The following IRS1 variants were observed in gnomAD, a reference collection of about 807,000 sequenced individuals.
The protein encoded by IRS1 is insulin receptor substrate 1.
IRS1 carries 34 observed loss-of-function variants against 65.6 expected under a neutral mutation model. That is an observed-to-expected ratio of 0.52 (90% CI 0.39 to 0.69). IRS1 has a LOEUF of 0.69. Ranked by LOEUF, IRS1 falls within the 30% of genes least tolerant of loss-of-function variation. IRS1 has a pLI of 0.00. For synonymous variants in IRS1, 699 were observed against 683.5 expected, an observed-to-expected ratio of 1.02 and a Z score of -0.35; for missense variants, 1,641 against 1,720.2, an observed-to-expected ratio of 0.95 and a Z score of 0.81.
chr2:226,734,175 T>C lies in IRS1; in HGVS notation c.*2097A>G, dbSNP rs952533076. 1 of 152,078 alleles carries C rather than the reference T, an allele frequency of 6.6e-6. No homozygotes were observed. The highest frequency in any genetic ancestry group is 2.1e-4 in the South Asian group (1 of 4,820). 9.4% of individuals were successfully genotyped at this position (152,078 alleles called of 1,614,324 possible). On this transcript the variant is annotated 3_prime_UTR_variant, in exon 2 of 2. Coordinates refer to ENST00000305123, the MANE Select transcript of IRS1 (RefSeq NM_005544.3). ...GTATGAATCAGAATGCTTGAAAATA[T>C]GAAAAGTTAGTTTGACTAAGAAAGT...
intron 1 of IRS1, among the ~76,000 whole-genome samples, chr2:226,746,028 C>T (rs1938535421): frequency 6.6e-6 from 1 of 152,074 alleles, no homozygotes; most frequent in Non-Finnish European, 1.5e-5. Flanking sequence ...GGAAAGAGTA[C>T]AAATTCAATA....
chr2:226,760,302 C>T (rs1331726707), intron 1 of IRS1, among the ~76,000 whole-genome samples: 2 of 152,106 alleles, frequency 1.3e-5, no homozygotes, highest in African/African-American at 2.4e-5. Context: ...TTTAAAACTA[C>T]AATTCAATAA....
In IRS1 at chr2:226,765,093, A is replaced by C. The variant is rs555904637; in HGVS notation, c.*22-28843T>G. 7.2e-5 allele frequency among the ~76,000 whole-genome samples: 11 copies of C among 152,268 alleles called. No individual in the cohort carries two copies. The South Asian group carries it at 2.1e-3, about 29-fold the overall frequency. On this transcript the variant is annotated intron_variant, in intron 1 of 1. Transcript: ENST00000305123. ...TCACCAATTCCTATTCTTTTTATAAATATTACTCATTCATTCATTCATTCA... is the reference window on the plus strand; with the variant it reads ...TCACCAATTCCTATTCTTTTTATAACTATTACTCATTCATTCATTCATTCA...
chr2:226,789,980 G>C (rs1190261859), intron 1 of IRS1, among the ~76,000 whole-genome samples: 1 of 152,174 alleles, frequency 6.6e-6, no homozygotes, highest in African/African-American at 2.4e-5. Flanking sequence ...AAGAATGTCT[G>C]ATCCAAAGGC....
Position 226,796,437 on chromosome 2 carries a change from G to A in IRS1, c.2302C>T (p.Pro768Ser), listed in dbSNP as rs748841175. The A allele has an allele frequency of 1.2e-6, 2 of 1,613,740 alleles. No homozygotes were observed. The highest frequency in any genetic ancestry group is 1.7e-6 in the Non-Finnish European group (2 of 1,180,040). The change falls in exon 1 of 2, where the codon CCA (proline) becomes TCA (serine). Residue 768 changes from proline (P) to serine (S), a missense_variant. Coordinates refer to ENST00000305123, the MANE Select transcript of IRS1 (RefSeq NM_005544.3). ...CGCTGGGTGTGCTTAAAGGATCTTG[G>A]CAATGAGTAGTAGGAGAGGACTGGC... ...HKPVLSYYSL[P>S]RSFKHTQRPG...
intron 1 of IRS1, among the ~76,000 whole-genome samples, chr2:226,771,368 C>T (rs1028303407): frequency 5.3e-5 from 8 of 151,976 alleles, no homozygotes; most frequent in African/African-American, 7.3e-5. Flanking sequence ...TCAGAGCATT[C>T]GGCTCCACCA....
In IRS1 at chr2:226,732,653, AAG is replaced by A; in HGVS notation, c.*3617_*3618del. ...CGTCACATATATATACACACACACA[AAG>A]ACACACACATGTCACATATATATAC... On this transcript the variant is annotated 3_prime_UTR_variant, in exon 2 of 2. Coordinates refer to ENST00000305123, the MANE Select transcript of IRS1 (RefSeq NM_005544.3). 1 of 150,158 alleles carries A rather than the reference AAG, an allele frequency of 6.7e-6. No individual in the cohort carries two copies. Among genetic ancestry groups the A allele is most frequent in the African/African-American group, 2.5e-5 (1 of 40,654 alleles). 9.3% of individuals were successfully genotyped at this position (150,158 alleles called of 1,614,324 possible).
At chr2:226,756,829 G>A (rs886637955) in intron 1 of IRS1, among the ~76,000 whole-genome samples, 4 of 152,178 alleles carry the variant, frequency 2.6e-5, no homozygotes, top group African/African-American at 7.2e-5. Context: ...GGGCACGATG[G>A]CGTGCGCCTG....
At position 226,781,393 on chromosome 2, in the gene IRS1, T is replaced by G. The variant is rs373991880; in HGVS notation, c.*21+13596A>C. Reference sequence around the variant, plus strand: ...AGTTTCCTAAAGTGGTGAGTAACAGTAAATCCTGAGTTGGGGTAGGGAGGG... The same window carrying G: ...AGTTTCCTAAAGTGGTGAGTAACAGGAAATCCTGAGTTGGGGTAGGGAGGG... On this transcript the variant is annotated intron_variant, in intron 1 of 1. Coordinates refer to ENST00000305123, the MANE Select transcript of IRS1 (RefSeq NM_005544.3). Among the ~76,000 whole-genome samples the G allele has an allele frequency of 9.2e-5, 14 of 152,144 alleles. 1 individual carries two copies. The East Asian group carries it at 2.7e-3, about 29-fold the overall frequency.
At chr2:226,764,520 G>A (rs1370533457) in intron 1 of IRS1, among the ~76,000 whole-genome samples, 1 of 152,022 alleles carries the variant, frequency 6.6e-6, no homozygotes, top group Non-Finnish European at 1.5e-5. Context: ...TCCAGCCTGG[G>A]CAACATAACA....
rs1313520439 is a variant in IRS1 at position 226,794,592 on chromosome 2, C to A, written c.*21+397G>T. On this transcript the variant is annotated intron_variant, in intron 1 of 1. Coordinates refer to ENST00000305123, the MANE Select transcript of IRS1 (RefSeq NM_005544.3). The surrounding 1 kb of genome is among the most constrained non-coding windows in gnomAD (Gnocchi z 4.1). The stretch of plus-strand genomic sequence containing the variant: ...GTTTAAGATAAGGAAGGGTTTAGCC[C>A]CTGTGTTAACAAATATTTTTTGTAG... Among the ~76,000 whole-genome samples the A allele has an allele frequency of 6.6e-6, 1 of 152,138 alleles. No individual in the cohort carries two copies. The highest frequency in any genetic ancestry group is 1.5e-5 in the Non-Finnish European group (1 of 68,028).
chr2:226,772,976 G>A (rs1939193008), intron 1 of IRS1, among the ~76,000 whole-genome samples: 1 of 152,122 alleles, frequency 6.6e-6, no homozygotes, highest in Non-Finnish European at 1.5e-5. Flanking sequence ...CCAGAGAACT[G>A]GTCACACTCT....
chr2:226,782,852 TTA>T, intron 1 of IRS1, among the ~76,000 whole-genome samples: 1 of 152,194 alleles, frequency 6.6e-6, no homozygotes, highest in South Asian at 2.1e-4. Context: ...AATACAAAAA[TTA>T]GCCTGGCATG....
intron 1 of IRS1, among the ~76,000 whole-genome samples, chr2:226,749,208 C>T (rs1938620406): frequency 2.0e-5 from 3 of 152,158 alleles, no homozygotes; most frequent in Admixed American, 6.5e-5. Context: ...ATGTCACAAG[C>T]GGGCCATGGC....
Position 226,798,698 on chromosome 2 carries a change from C to A in IRS1, c.41G>T (p.Arg14Leu). ...GGGTTTGCGCAGGTAGCCCACCTTG[C>A]GCACGTCCGAGAAGCCATCGCTCTC... The part of the protein sequence containing the change: ...PPESDGFSDV[R>L]KVGYLRKPKS... Residue 14 changes from arginine to leucine, a missense_variant, in exon 1 of 2, where the codon CGC becomes CTC. Arg to Leu is a moderately radical substitution (Grantham distance 102, BLOSUM62 -2). Coordinates refer to ENST00000305123, the MANE Select transcript of IRS1 (RefSeq NM_005544.3). This position sits in a 1 kb window ranked among gnomAD's most constrained non-coding sequence, Gnocchi z 9.4. 3 of 1,612,858 alleles carry A rather than the reference C, an allele frequency of 1.9e-6. No individual in the cohort carries two copies. Among genetic ancestry groups the A allele is most frequent in the Non-Finnish European group, 2.5e-6 (3 of 1,179,880 alleles).
Position 226,798,943 on chromosome 2 carries a change from C to G in IRS1, c.-205G>C. On this transcript the variant is annotated 5_prime_UTR_variant, in exon 1 of 2. Transcript: ENST00000305123. This position sits in a 1 kb window ranked among gnomAD's most constrained non-coding sequence, Gnocchi z 9.4. ...CTGCTGAGCCCAGGAGAGAGCCCGACCGGAGTTTTCGGGCGCTTCACGCCC... is the reference window on the plus strand; with the variant it reads ...CTGCTGAGCCCAGGAGAGAGCCCGAGCGGAGTTTTCGGGCGCTTCACGCCC... The G allele has an allele frequency of 8.3e-6, 12 of 1,448,876 alleles. No homozygotes were observed. The highest frequency in any genetic ancestry group is 1.1e-5 in the Non-Finnish European group (12 of 1,100,028). The allele number at this position is 1,448,876 out of a possible 1,614,324, so 89.8% of individuals were successfully genotyped here.
intron 1 of IRS1, among the ~76,000 whole-genome samples, chr2:226,772,905 G>C (rs995440675): frequency 1.3e-5 from 2 of 152,104 alleles, no homozygotes; most frequent in Admixed American, 6.5e-5. Flanking sequence ...TCCCAAAATA[G>C]CATCTTCTGA....
At chr2:226,749,174 T>C (rs1392288082) in intron 1 of IRS1, among the ~76,000 whole-genome samples, 1 of 152,156 alleles carries the variant, frequency 6.6e-6, no homozygotes, top group Non-Finnish European at 1.5e-5. Flanking sequence ...TGCCTGAAGC[T>C]TTTTTTCCCC....
chr2:226,789,954 C>A (rs1036633516), intron 1 of IRS1, among the ~76,000 whole-genome samples: 1 of 152,144 alleles, frequency 6.6e-6, no homozygotes, highest in Non-Finnish European at 1.5e-5. Flanking sequence ...TCCTTCCAGG[C>A]CCCAGTCTGT....
Sources: gnomAD v4.1 joint callset for allele counts (sites outside exome capture counted in the v4.1 genomes callset) on GRCh38, gnomAD v4.1.1 for gene constraint, Gnocchi (gnomAD v3.1) non-coding constraint, MANE v1.5 for transcripts, NCBI Gene and HGNC (gene_info 2026-07-23, HGNC 2026-07-21) for gene names.